The following ADGRL2 variants were observed in gnomAD, a reference collection of about 807,000 sequenced individuals.
ADGRL2 encodes calcium-independent alpha-latrotoxin receptor 2.
Under a neutral mutation model 157.4 loss-of-function variants are expected in ADGRL2, and 44 were observed. The ratio of observed to expected loss-of-function variants is 0.28; its 90% CI spans 0.22 to 0.36. The LOEUF (loss-of-function observed/expected upper bound fraction) is 0.36. Among genes scored for constraint, ADGRL2 ranks in the 10% least tolerant of loss-of-function variants. ADGRL2 has a pLI of 1.00. For missense variants in ADGRL2, 1,510 were observed against 1,768.9 expected, an observed-to-expected ratio of 0.85 and a Z score of 2.63; for synonymous variants, 585 against 624.7, an observed-to-expected ratio of 0.94 and a Z score of 0.95.
intron 1 of ADGRL2, among the ~76,000 whole-genome samples, chr1:81,356,971 A>AAAAAAAAAAAAAAAAAAAAAAAAG (rs80327519): frequency 2.5e-4 from 25 of 99,308 alleles, no homozygotes; most frequent in South Asian, 4.7e-4. Context: ...AAAAAAAAAA[A>AAAAAAAAAAAAAAAAAAAAAAAAG]AAGAAGTTGT....
intron 3 of ADGRL2, among the ~76,000 whole-genome samples, chr1:81,922,307 T>C (rs2095000360): frequency 6.6e-6 from 1 of 152,176 alleles, no homozygotes; most frequent in African/African-American, 2.4e-5. Flanking sequence ...CGCCAGTTTC[T>C]TTTTCCTTTC....
intron 2 of ADGRL2, among the ~76,000 whole-genome samples, chr1:81,459,808 GTT>G (rs1296345976): frequency 5.6e-4 from 46 of 82,188 alleles, no homozygotes; most frequent in South Asian, 1.1e-3. Flanking sequence ...ATATGTATGT[GTT>G]TGTATATATA....
chr1:81,576,845 T>G (rs979211867), intron 2 of ADGRL2, among the ~76,000 whole-genome samples: 1 of 152,206 alleles, frequency 6.6e-6, no homozygotes, highest in Non-Finnish European at 1.5e-5. Flanking sequence ...TTATAAAGTT[T>G]ATGATAAGTT....
intron 2 of ADGRL2, among the ~76,000 whole-genome samples, chr1:81,841,209 A>C (rs1327771554): frequency 1.3e-5 from 2 of 152,300 alleles, no homozygotes; most frequent in East Asian, 3.9e-4. Context: ...TATTTCAAAG[A>C]AAAATGTTCT....
intron 3 of ADGRL2, among the ~76,000 whole-genome samples, chr1:81,925,949 A>C (rs952174139): frequency 6.6e-6 from 1 of 152,026 alleles, no homozygotes; most frequent in Non-Finnish European, 1.5e-5. Flanking sequence ...CGTAATCTTT[A>C]AGGTGAATTT....
At chr1:81,583,228 A>C (rs890809210) in intron 3 of ADGRL2, among the ~76,000 whole-genome samples, 2 of 152,210 alleles carry the variant, frequency 1.3e-5, no homozygotes, top group African/African-American at 4.8e-5. Flanking sequence ...ATAAATTGGA[A>C]TATTAACTTG....
At chr1:81,959,434 T>C (rs1654624223) in intron 11 of ADGRL2, among the ~76,000 whole-genome samples, 1 of 152,204 alleles carries the variant, frequency 6.6e-6, no homozygotes, top group African/African-American at 2.4e-5. Context: ...ATTCTGAGTA[T>C]TTTTCCTCCA....
At chr1:81,880,902 C>T (rs114545020) in intron 2 of ADGRL2, among the ~76,000 whole-genome samples, 314 of 152,032 alleles carry the variant, frequency 2.1e-3, no homozygotes, top group Non-Finnish European at 3.9e-3. Flanking sequence ...TTTTGTCCTT[C>T]CCTCTCAAAT....
At position 81,966,426 on chromosome 1, in the gene ADGRL2, C is replaced by T; in HGVS notation, c.2166C>T (p.Ile722=). 1 of 1,613,998 alleles carries T rather than the reference C, an allele frequency of 6.2e-7. No homozygotes were observed. The highest frequency in any genetic ancestry group is 1.1e-5 in the South Asian group (1 of 91,070). The change falls in exon 13 of 24, where the codon ATC becomes ATT. Residue 722 remains isoleucine (I), a synonymous_variant. Coordinates refer to ENST00000686636, the MANE Select transcript of ADGRL2 (RefSeq NM_001366006.2). ...SRNGLAKLVF[I]IYRSLGQFLS... is the part of the protein sequence containing the mutation. The stretch of plus-strand genomic sequence containing the variant: ...TAGGGCTTGCAAAGTTGGTGTTCAT[C>T]ATTTACCGGAGCCTGGGACAGTTCC...
chr1:81,775,486 AACCTATTAT>A (rs1254915922), intron 2 of ADGRL2, among the ~76,000 whole-genome samples: 1 of 152,170 alleles, frequency 6.6e-6, no homozygotes, highest in Non-Finnish European at 1.5e-5. Flanking sequence ...ATTTGTTTTG[AACCTATTAT>A]ACCAAACATT....
intron 2 of ADGRL2, among the ~76,000 whole-genome samples, chr1:81,546,615 G>A (rs1278226293): frequency 6.6e-6 from 1 of 152,150 alleles, no homozygotes; most frequent in Non-Finnish European, 1.5e-5. Context: ...CATCCACTGG[G>A]CAGTCTAGAA....
At chr1:81,369,447 C>T (rs1249565597) in intron 1 of ADGRL2, among the ~76,000 whole-genome samples, 1 of 152,116 alleles carries the variant, frequency 6.6e-6, no homozygotes, top group Non-Finnish European at 1.5e-5. Flanking sequence ...CACCTCCCAC[C>T]ATGCAATATT....
chr1:81,458,664 T>A (rs2077857502), intron 2 of ADGRL2, among the ~76,000 whole-genome samples: 2 of 152,172 alleles, frequency 1.3e-5, no homozygotes, highest in South Asian at 4.1e-4. Context: ...TGCCACAAAG[T>A]GGCTTCCATG....
chr1:81,851,335 A>G (rs2092997907), intron 2 of ADGRL2, among the ~76,000 whole-genome samples: 1 of 151,916 alleles, frequency 6.6e-6, no homozygotes, highest in Non-Finnish European at 1.5e-5. Flanking sequence ...CCCAGCTAAT[A>G]TTGCCATTTG....
chr1:81,946,415 C>T (rs1475394), intron 6 of ADGRL2, among the ~76,000 whole-genome samples: 9,760 of 148,324 alleles, frequency 0.066, 326 homozygotes, highest in South Asian at 0.093. Flanking sequence ...CTCCCCTAAA[C>T]GAGGTCTGTT....
chr1:81,346,095 T>C (rs1662459788), intron 1 of ADGRL2, among the ~76,000 whole-genome samples: 1 of 152,166 alleles, frequency 6.6e-6, no homozygotes, highest in African/African-American at 2.4e-5. Flanking sequence ...CAAAGCTAAG[T>C]TGCACGCTGA....
At chr1:81,357,767 T>C (rs1251849538) in intron 1 of ADGRL2, among the ~76,000 whole-genome samples, 1 of 152,128 alleles carries the variant, frequency 6.6e-6, no homozygotes, top group Non-Finnish European at 1.5e-5. Flanking sequence ...AGCCAATAAC[T>C]AATAAAATCT....
intron 1 of ADGRL2, among the ~76,000 whole-genome samples, chr1:81,362,678 TG>T (rs1167006051): frequency 6.6e-6 from 1 of 152,012 alleles, no homozygotes; most frequent in Admixed American, 6.6e-5. Context: ...TGGTCCTTAT[TG>T]TTTTTTAACT....
chr1:81,928,349 A>G (rs2095156504), intron 3 of ADGRL2, among the ~76,000 whole-genome samples: 1 of 152,088 alleles, frequency 6.6e-6, no homozygotes, highest in Non-Finnish European at 1.5e-5. Context: ...ATTGAGGCAT[A>G]ATTGGATGTC....
Sources: allele counts gnomAD v4.1 joint callset (sites outside exome capture counted in the v4.1 genomes callset), GRCh38; gene constraint gnomAD v4.1.1; transcripts MANE v1.5; gene names NCBI Gene and HGNC (gene_info 2026-07-23, HGNC 2026-07-21).